HHIP: variants seen among roughly 807,000 people sequenced by gnomAD.
HHIP encodes hedgehog interacting protein.
Under a neutral mutation model 74.0 loss-of-function variants are expected in HHIP, and 12 were observed. The observed-to-expected ratio is 0.16, with a 90% CI of 0.10 to 0.26. The LOEUF (loss-of-function observed/expected upper bound fraction) is 0.26. HHIP is among the 10% of genes least tolerant of loss of function. The pLI is 1.00. For synonymous variants in HHIP, 309 were observed against 311.6 expected (o/e 0.99, Z 0.09); for missense variants, 788 against 845.0 (o/e 0.93, Z 0.84).
chr4:144,666,139 A>G (rs1728854976), intron 4 of HHIP, among the ~76,000 whole-genome samples: 1 of 152,150 alleles, frequency 6.6e-6, no homozygotes, highest in Admixed American at 6.6e-5. Flanking sequence ...CAGTGGCTGT[A>G]TTACCTCATA....
chr4:144,722,414 A>G (rs955724728), intron 11 of HHIP, among the ~76,000 whole-genome samples: 4 of 152,314 alleles, frequency 2.6e-5, no homozygotes, highest in Non-Finnish European at 5.9e-5. Context: ...AGGTGTTTAA[A>G]TAATCTATTT....
At chr4:144,661,707 C>T (rs1467374276) in intron 4 of HHIP, among the ~76,000 whole-genome samples, 1 of 151,972 alleles carries the variant, frequency 6.6e-6, no homozygotes, top group East Asian at 1.9e-4. Flanking sequence ...TGGTGGTTGC[C>T]CCTCAGAGAC....
At chr4:144,679,755 C>T (rs149130878) in intron 4 of HHIP, among the ~76,000 whole-genome samples, 152 of 152,190 alleles carry the variant, frequency 1.0e-3, no homozygotes, top group African/African-American at 3.2e-3. Flanking sequence ...CATAATAATA[C>T]GACTAACATG....
In HHIP at chr4:144,665,830, C is replaced by A. The variant is rs528552617; in HGVS notation, c.831+5992C>A. On this transcript the variant is annotated intron_variant, in intron 4 of 12. Transcript: ENST00000296575. ...TGTTTCTCCAGTTGAGTAGAGAAAG[C>A]CCTGCCTTCTCCTAAATTTTAGGTC... 6.0e-4 allele frequency among the ~76,000 whole-genome samples: 91 copies of A among 152,294 alleles called. 4 individuals are homozygous for A. In the South Asian group the frequency reaches 0.019, roughly 31 times the overall value.
chr4:144,693,971 T>C (rs1188923373), intron 4 of HHIP, among the ~76,000 whole-genome samples: 1 of 152,016 alleles, frequency 6.6e-6, no homozygotes, highest in African/African-American at 2.4e-5. Context: ...TAGCTAATGA[T>C]ATTTTGGAAT....
At chr4:144,722,266 G>A (rs547642755) in intron 11 of HHIP, among the ~76,000 whole-genome samples, 1 of 152,260 alleles carries the variant, frequency 6.6e-6, no homozygotes, top group African/African-American at 2.4e-5. Flanking sequence ...CAGACAGGGA[G>A]TCAACTGGTC....
chr4:144,655,832 G>T (rs1475881788), intron 2 of HHIP, among the ~76,000 whole-genome samples: 1 of 151,984 alleles, frequency 6.6e-6, no homozygotes, highest in Non-Finnish European at 1.5e-5. Context: ...TGAGAGAAAA[G>T]GGAGAACTCA....
At chr4:144,672,508 G>A (rs1729067005) in intron 4 of HHIP, among the ~76,000 whole-genome samples, 1 of 152,176 alleles carries the variant, frequency 6.6e-6, no homozygotes, top group South Asian at 2.1e-4. Context: ...AGGAAGAGGA[G>A]AGTAGTTGTA....
At chr4:144,716,871 A>G (rs1400489057) in intron 10 of HHIP, among the ~76,000 whole-genome samples, 1 of 140,560 alleles carries the variant, frequency 7.1e-6, no homozygotes, top group Non-Finnish European at 1.5e-5. Context: ...AAAAAAAAAA[A>G]AAAAAAAAAA....
At position 144,652,791 on chromosome 4, in the gene HHIP, A is replaced by G. The variant is rs1728458687; in HGVS notation, c.466A>G (p.Ile156Val). 6.4e-7 allele frequency: 1 copy of G among 1,570,414 alleles called. No homozygotes were observed. Residue 156 changes from isoleucine (I) to valine (V), a missense_variant, in exon 2 of 13, where the codon ATT becomes GTT. By Grantham distance (29) the Ile-to-Val change is conservative. This residue lies in a region of HHIP where 373 missense variants were observed against 366.4 expected (regional missense o/e 1.02). Coordinates refer to ENST00000296575, the MANE Select transcript of HHIP (RefSeq NM_022475.3). ...ATTCTTTTACACTTGCCGAGGCCAT[A>G]TTCCAGGTAAGAAAAAAAAATGCAT... ...KEFFYTCRGH[I>V]PGFLQTTADE...
intron 1 of HHIP, among the ~76,000 whole-genome samples, chr4:144,650,067 CT>C (rs1167374884): frequency 2.6e-5 from 4 of 152,108 alleles, no homozygotes; most frequent in African/African-American, 9.7e-5. Flanking sequence ...GTATTTTCTC[CT>C]TTTGTCCCCT....
rs1578722473 is a variant in HHIP at position 144,719,018 on chromosome 4, T to C, written c.1760+62T>C. ...TTCTTCTTCCAATTATTTTAGTTCA[T>C]TCAATTAATGATAGGAATGTCACAA... On this transcript the variant is annotated intron_variant, in intron 11 of 12. Transcript: ENST00000296575. 59 of 997,238 alleles carry C rather than the reference T, an allele frequency of 5.9e-5. No homozygotes were observed. In the East Asian group the frequency reaches 1.4e-3, roughly 23 times the overall value. 61.8% of individuals were successfully genotyped at this position (997,238 alleles called of 1,614,324 possible).
chr4:144,688,109 A>G (rs142368168), intron 4 of HHIP, among the ~76,000 whole-genome samples: 1 of 152,300 alleles, frequency 6.6e-6, no homozygotes, highest in Non-Finnish European at 1.5e-5. Flanking sequence ...ACGCATTTAA[A>G]GAAATTTTGC....
chr4:144,711,965 A>T lies in HHIP; in HGVS notation c.1317A>T (p.Arg439Ser). 6.2e-7 allele frequency: 1 copy of T among 1,611,964 alleles called. No homozygotes were observed. Among genetic ancestry groups the T allele is most frequent in the East Asian group, 2.2e-5 (1 of 44,836 alleles). Reference protein sequence around the residue: ...LHDPGRCAVDRHPTDININLT... With the variant: ...LHDPGRCAVDSHPTDININLT... ...TGTTATGCAGATGTGCTGTGGATAG[A>T]CATCCCACTGATATAAACATCAATT... Residue 439 changes from arginine to serine, a missense_variant, in exon 8 of 13, where the codon AGA (arginine) becomes AGT (serine). By Grantham distance (110) the Arg-to-Ser change is moderately radical (BLOSUM62 -1). Around this residue, in one of 3 missense-constraint regions of HHIP, gnomAD observed 343 missense variants for 347.9 expected, o/e 0.99. Coordinates refer to ENST00000296575, the MANE Select transcript of HHIP (RefSeq NM_022475.3).
At chr4:144,670,394 G>A (rs1201990076) in intron 4 of HHIP, among the ~76,000 whole-genome samples, 3 of 150,248 alleles carry the variant, frequency 2.0e-5, no homozygotes, top group African/African-American at 7.4e-5. Flanking sequence ...TTGGGAGACG[G>A]AGGTTGCAAT....
intron 4 of HHIP, among the ~76,000 whole-genome samples, chr4:144,663,225 C>T (rs553882526): frequency 1.3e-4 from 20 of 152,092 alleles, no homozygotes; most frequent in African/African-American, 4.1e-4. Flanking sequence ...ACCTGGGAGG[C>T]GGAGGTTGCA....
At chr4:144,687,748 C>G (rs1729528591) in intron 4 of HHIP, among the ~76,000 whole-genome samples, 1 of 118,714 alleles carries the variant, frequency 8.4e-6, no homozygotes, top group Admixed American at 9.6e-5. Context: ...TAACTTTTGG[C>G]AACTTTTTTT....
chr4:144,734,465 T>G (rs1293312765), intron 11 of HHIP, among the ~76,000 whole-genome samples: 1 of 152,160 alleles, frequency 6.6e-6, no homozygotes, highest in Non-Finnish European at 1.5e-5. Context: ...AAATATCAAT[T>G]TAATTAAAGA....
Position 144,737,927 on chromosome 4 carries a change from C to T in HHIP, c.2073C>T (p.Tyr691=), listed in dbSNP as rs1731163936. 1 of 1,610,862 alleles carries T rather than the reference C, an allele frequency of 6.2e-7. No individual in the cohort carries two copies. Among genetic ancestry groups the T allele is most frequent in the African/African-American group, 1.3e-5 (1 of 74,944 alleles). Residue 691 remains tyrosine (Y), a synonymous_variant, in exon 13 of 13, where the codon TAC becomes TAT. Transcript: ENST00000296575. ...ATCAGATCATTGACATGACATCTTA[C>T]TTGCTGGATCTAACAAGTTACATTG... The part of the protein sequence containing the change: ...ILDQIIDMTS[Y]LLDLTSYIV
Sources: gnomAD v4.1 joint callset for allele counts (sites outside exome capture counted in the v4.1 genomes callset) on GRCh38, gnomAD v4.1.1 for gene constraint, gnomAD v4.1.1 regional missense constraint, MANE v1.5 for transcripts, NCBI Gene and HGNC (gene_info 2026-07-23, HGNC 2026-07-21) for gene names.